The following DNMT3A variants were observed in gnomAD, a reference collection of about 807,000 sequenced individuals.
DNMT3A encodes DNA methyltransferase 3 alpha.
DNMT3A carries 267 observed loss-of-function variants against 117.6 expected under a neutral mutation model. The ratio of observed to expected loss-of-function variants is 2.27; its 90% CI spans 2.05 to 2.51. The LOEUF (loss-of-function observed/expected upper bound fraction) is 2.51, where lower values mean the gene tolerates loss of function less well. Ranked by LOEUF, DNMT3A falls within the 30% of genes most tolerant of loss-of-function variation. The pLI is 0.00. For missense variants in DNMT3A, 1,029 were observed against 1,260.2 expected (o/e 0.82, Z 2.78); for synonymous variants, 432 against 474.8 (o/e 0.91, Z 1.17).
chr2:25,252,065 C>T lies in DNMT3A; in HGVS notation c.640-3813G>A. On this transcript the variant is annotated intron_variant, in intron 6 of 22. Transcript: ENST00000321117. The surrounding 1 kb of genome is among the most constrained non-coding windows in gnomAD (Gnocchi z 5.5). ...CTCCAGAACTCGGGCCAGGCCGGGA[C>T]GCCGCGGCTGCTGCGGGCCGGGGAG... The T allele has an allele frequency of 1.6e-6, 2 of 1,256,586 alleles. No homozygotes were observed. Among genetic ancestry groups the T allele is most frequent in the East Asian group, 5.8e-5 (2 of 34,466 alleles). 77.8% of individuals were successfully genotyped at this position (1,256,586 alleles called of 1,614,324 possible).
chr2:25,278,001 TCACACACACACA>T (rs71397475), intron 4 of DNMT3A, among the ~76,000 whole-genome samples: 2 of 90,500 alleles, frequency 2.2e-5, no homozygotes, highest in African/African-American at 7.5e-5. Flanking sequence ...ACTTGAGTGA[TCACACACACACA>T]CACACACACA....
chr2:25,251,153 C>CGGGGG, intron 6 of DNMT3A, among the ~76,000 whole-genome samples: 1 of 58,716 alleles, frequency 1.7e-5, no homozygotes, highest in African/African-American at 1.0e-4. Flanking sequence ...AAGGAAGAAG[C>CGGGGG]GGGGGGGGGG....
chr2:25,329,274 A>C (rs981432792), intron 1 of DNMT3A, among the ~76,000 whole-genome samples: 3 of 152,152 alleles, frequency 2.0e-5, no homozygotes, highest in African/African-American at 7.2e-5. Flanking sequence ...TGTCACTGAG[A>C]GATTCGGGCC....
At chr2:25,284,009 C>T (rs1409568719) in intron 3 of DNMT3A, among the ~76,000 whole-genome samples, 1 of 152,232 alleles carries the variant, frequency 6.6e-6, no homozygotes, top group African/African-American at 2.4e-5. Context: ...ATTCAGTCCT[C>T]AGCCATCCAG....
rs563077790 is a variant in DNMT3A at position 25,294,284 on chromosome 2, G to A, written c.177+5855C>T. Among the ~76,000 whole-genome samples, 8 of 152,286 alleles carry A rather than the reference G, an allele frequency of 5.3e-5. No homozygotes were observed. The South Asian group carries it at 1.0e-3, about 20-fold the overall frequency. ...TCCATGCAGCACTCCAGTAGCGGGC[G>A]TTGATTTCACCGCTCAGGTCGGGGA... On this transcript the variant is annotated intron_variant, in intron 3 of 22. Coordinates refer to ENST00000321117, the MANE Select transcript of DNMT3A (RefSeq NM_022552.5). The surrounding 1 kb of genome is among the most constrained non-coding windows in gnomAD (Gnocchi z 4.7).
At position 25,266,664 on chromosome 2, in the gene DNMT3A, T is replaced by C. The variant is rs535155729; in HGVS notation, c.639+8277A>G. The stretch of plus-strand genomic sequence containing the variant: ...GAGGAGGCAACATTTGCTAAGCTCA[T>C]AGAAGCAGCAGCACAAATGGCCAAT... On this transcript the variant is annotated intron_variant, in intron 6 of 22. Transcript: ENST00000321117. Among the ~76,000 whole-genome samples, 7 of 152,314 alleles carry C rather than the reference T, an allele frequency of 4.6e-5. No homozygotes were observed. The South Asian group carries it at 6.2e-4, about 14-fold the overall frequency.
chr2:25,251,817 A>G, intron 6 of DNMT3A: 1 of 310,000 alleles, frequency 3.2e-6, no homozygotes. Flanking sequence ...GCAGGTCACC[A>G]GGGAAGTGCC....
intron 3 of DNMT3A, among the ~76,000 whole-genome samples, chr2:25,290,156 AT>A (rs920942545): frequency 2.7e-5 from 4 of 150,088 alleles, no homozygotes; most frequent in Non-Finnish European, 3.0e-5. Flanking sequence ...ATTAAAAAAA[AT>A]TTTTTTTTTG....
chr2:25,251,905 C>T, intron 6 of DNMT3A: 1 of 476,606 alleles, frequency 2.1e-6, no homozygotes, highest in Admixed American at 4.1e-5. Context: ...CCCCAGCCTG[C>T]AGTTACCACT....
At chr2:25,268,785 T>C (rs2030600743) in intron 6 of DNMT3A, among the ~76,000 whole-genome samples, 1 of 152,138 alleles carries the variant, frequency 6.6e-6, no homozygotes, top group Non-Finnish European at 1.5e-5. Flanking sequence ...TCAGCACCCC[T>C]GGAAAAACCA....
intron 1 of DNMT3A, among the ~76,000 whole-genome samples, chr2:25,316,246 A>T (rs1052157565): frequency 2.6e-5 from 4 of 152,232 alleles, no homozygotes; most frequent in Non-Finnish European, 5.9e-5. Flanking sequence ...GGCGAGGTTC[A>T]GAGAAGCTCT....
At chr2:25,307,176 G>A (rs1020024426) in intron 2 of DNMT3A, among the ~76,000 whole-genome samples, 3 of 152,162 alleles carry the variant, frequency 2.0e-5, no homozygotes, top group East Asian at 1.9e-4. Context: ...CAAACATTAC[G>A]TGGGATGATT....
chr2:25,310,063 A>G (rs1030775221), intron 2 of DNMT3A, among the ~76,000 whole-genome samples: 2 of 152,156 alleles, frequency 1.3e-5, no homozygotes, highest in Non-Finnish European at 2.9e-5. Flanking sequence ...CTCAAACAAA[A>G]AAAGAATGGA....
At chr2:25,313,450 C>T (rs926532287) in intron 2 of DNMT3A, among the ~76,000 whole-genome samples, 1 of 152,164 alleles carries the variant, frequency 6.6e-6, no homozygotes, top group East Asian at 1.9e-4. Flanking sequence ...GAGGGTGGGC[C>T]CCCGCGGCCT....
At position 25,267,967 on chromosome 2, in the gene DNMT3A, G is replaced by A. The variant is rs900110432; in HGVS notation, c.639+6974C>T. Among the ~76,000 whole-genome samples, 4 of 152,298 alleles carry A rather than the reference G, an allele frequency of 2.6e-5. No individual in the cohort carries two copies. In the South Asian group the frequency reaches 8.3e-4, roughly 32 times the overall value. On this transcript the variant is annotated intron_variant, in intron 6 of 22. Coordinates refer to ENST00000321117, the MANE Select transcript of DNMT3A (RefSeq NM_022552.5). Reference sequence around the variant, plus strand: ...GGGGTACAGGGTAAGTGATGCCTAAGGTCCCACACCCAGTAAGTGGGACCT... The same window carrying A: ...GGGGTACAGGGTAAGTGATGCCTAAAGTCCCACACCCAGTAAGTGGGACCT...
rs1337379107 is a variant in DNMT3A, at chr2:25,239,118, G to A, written c.2408+12C>T. ...AGCCCACAGCCCCCCAGGCCCAGGA[G>A]CTTTCACCAACCTGTTCATACCGGG... On this transcript the variant is annotated intron_variant, in intron 20 of 22. Coordinates refer to ENST00000321117, the MANE Select transcript of DNMT3A (RefSeq NM_022552.5). The A allele has an allele frequency of 2.5e-6, 4 of 1,613,528 alleles. No homozygotes were observed. The Middle Eastern group carries it at 5.0e-4, about 200-fold the overall frequency.
In DNMT3A at chr2:25,252,664, T is replaced by C. The variant is rs1218327970; in HGVS notation, c.640-4412A>G. On this transcript the variant is annotated intron_variant, in intron 6 of 22. Coordinates refer to ENST00000321117, the MANE Select transcript of DNMT3A (RefSeq NM_022552.5). This position sits in a 1 kb window ranked among gnomAD's most constrained non-coding sequence, Gnocchi z 5.5. ...GGGAAGGGGCTGCTCCCGAGCCGCC[T>C]GCCCGGAGGGAGCCGGGGGTCCGGG... Among the ~76,000 whole-genome samples the C allele has an allele frequency of 1.3e-5, 2 of 151,630 alleles. No homozygotes were observed. Among genetic ancestry groups the C allele is most frequent in the Non-Finnish European group, 2.9e-5 (2 of 67,900 alleles).
rs986967309 is a variant in DNMT3A, at chr2:25,296,921, C to A, written c.177+3218G>T. ...CCTCCAGCCAGGGTTTCATCTCTTA[C>A]TTCCCAGTCCCCATCCCTGTCACAC... On this transcript the variant is annotated intron_variant, in intron 3 of 22. Coordinates refer to ENST00000321117, the MANE Select transcript of DNMT3A (RefSeq NM_022552.5). The surrounding 1 kb of genome is among the most constrained non-coding windows in gnomAD (Gnocchi z 4.2). Among the ~76,000 whole-genome samples, 1 of 152,176 alleles carries A rather than the reference C, an allele frequency of 6.6e-6. No individual in the cohort carries two copies. Among genetic ancestry groups the A allele is most frequent in the African/African-American group, 2.4e-5 (1 of 41,438 alleles).
At position 25,236,354 on chromosome 2, in the gene DNMT3A, C is replaced by T. The variant is rs182763259; in HGVS notation, c.2479-529G>A. On this transcript the variant is annotated intron_variant, in intron 21 of 22. Transcript: ENST00000321117. The surrounding 1 kb of genome is among the most constrained non-coding windows in gnomAD (Gnocchi z 4.5). ...TATTGGGATTATAGGCGTGAGCCAC[C>T]GCACCCGGCCTAGCCACAGACTTTA... Among the ~76,000 whole-genome samples the T allele has an allele frequency of 1.5e-3, 232 of 152,304 alleles. 1 individual carries two copies. The highest frequency in any genetic ancestry group is 5.1e-3 in the African/African-American group (213 of 41,554).
Sources: gnomAD v4.1 joint callset for allele counts (sites outside exome capture counted in the v4.1 genomes callset) on GRCh38, gnomAD v4.1.1 for gene constraint, Gnocchi (gnomAD v3.1) non-coding constraint, MANE v1.5 for transcripts, NCBI Gene and HGNC (gene_info 2026-07-23, HGNC 2026-07-21) for gene names.